The following EGFR variants were observed in gnomAD, a reference collection of about 807,000 sequenced individuals.
EGFR encodes the protein epidermal growth factor receptor.
A neutral mutation model predicts 143.0 loss-of-function variants in EGFR; 58 were observed. The ratio of observed to expected loss-of-function variants is 0.41; its 90% CI spans 0.33 to 0.50. The LOEUF (loss-of-function observed/expected upper bound fraction) is 0.50, where lower values mean the gene tolerates loss of function less well. EGFR is among the 20% of genes least tolerant of loss of function. The probability of loss-of-function intolerance (pLI) is 0.39; values close to 1 mark genes in which losing one functional copy is unlikely to be tolerated. For synonymous variants in EGFR, 613 were observed against 594.4 expected (o/e 1.03, Z -0.45); for missense variants, 1,307 against 1,579.0 (o/e 0.83, Z 2.92).
chr7:55,081,489 G>A (rs1181491369), intron 1 of EGFR, among the ~76,000 whole-genome samples: 1 of 152,152 alleles, frequency 6.6e-6, no homozygotes, highest in Non-Finnish European at 1.5e-5. Context: ...GTCTGTGAGC[G>A]AGAGCCTGAG....
intron 1 of EGFR, chr7:55,109,586 A>G (rs1792341018): frequency 3.4e-6 from 1 of 292,334 alleles, no homozygotes; most frequent in Non-Finnish European, 5.1e-6. Context: ...AGTAATTCAA[A>G]GCCTTCCTCG....
intron 1 of EGFR, among the ~76,000 whole-genome samples, chr7:55,066,023 C>T (rs1789477296): frequency 6.6e-6 from 1 of 152,104 alleles, no homozygotes; most frequent in Non-Finnish European, 1.5e-5. Flanking sequence ...GTTTCTAGCA[C>T]AGTTTTTCCT....
intron 17 of EGFR, among the ~76,000 whole-genome samples, chr7:55,173,494 C>T (rs1786453202): frequency 6.6e-6 from 1 of 152,212 alleles, no homozygotes; most frequent in South Asian, 2.1e-4. Flanking sequence ...GTGGCTTTGT[C>T]CATGATGGAC....
intron 19 of EGFR, chr7:55,180,849 G>A (rs1457472027): frequency 2.8e-5 from 7 of 248,028 alleles, no homozygotes. Flanking sequence ...CGTTCCTGAT[G>A]TGCAGGGTCA....
chr7:55,061,699 T>C (rs1408820260), intron 1 of EGFR, among the ~76,000 whole-genome samples: 2 of 151,104 alleles, frequency 1.3e-5, no homozygotes, highest in African/African-American at 4.9e-5. Context: ...TCTGTGAAAC[T>C]TCATTTTCCA....
At chr7:55,198,442 T>C (rs985891453) in intron 22 of EGFR, among the ~76,000 whole-genome samples, 9 of 152,228 alleles carry the variant, frequency 5.9e-5, no homozygotes, top group Admixed American at 4.6e-4. Flanking sequence ...TTACCACTTA[T>C]CAGTCACTTA....
chr7:55,211,412 T>C lies in EGFR; in HGVS notation c.*5795T>C, dbSNP rs1223777795. ...TTTAGAAACATTCAAGCAATAGCTT[T>C]ATAGCTTCAACATATGGTACGTTTT... On this transcript the variant is annotated 3_prime_UTR_variant, in exon 28 of 28. Coordinates refer to ENST00000275493, the MANE Select transcript of EGFR (RefSeq NM_005228.5). 6.6e-6 allele frequency: 1 copy of C among 152,230 alleles called. No homozygotes were observed. Among genetic ancestry groups the C allele is most frequent in the Non-Finnish European group, 1.5e-5 (1 of 68,036 alleles). The allele number at this position is 152,230 out of a possible 1,614,324, so 9.4% of individuals were successfully genotyped here.
At chr7:55,029,845 T>G (rs1163584607) in intron 1 of EGFR, among the ~76,000 whole-genome samples, 1 of 152,192 alleles carries the variant, frequency 6.6e-6, no homozygotes, top group African/African-American at 2.4e-5. Flanking sequence ...AAAACATCTG[T>G]AAAATTAAAA....
intron 1 of EGFR, among the ~76,000 whole-genome samples, chr7:55,022,256 A>G (rs184673557): frequency 1.8e-4 from 27 of 152,318 alleles, no homozygotes; most frequent in African/African-American, 6.3e-4. Flanking sequence ...ACTGGAAAGT[A>G]TTCCAAGGCG....
intron 1 of EGFR, among the ~76,000 whole-genome samples, chr7:55,097,566 A>G (rs902153486): frequency 2.0e-5 from 3 of 152,206 alleles, no homozygotes; most frequent in African/African-American, 7.2e-5. Context: ...TCTATAATTT[A>G]TATTATGAAA....
rs1794496937 is a variant in EGFR, at chr7:55,142,216, G to C, written c.89-70G>C. On this transcript the variant is annotated intron_variant, in intron 1 of 27. Coordinates refer to ENST00000275493, the MANE Select transcript of EGFR (RefSeq NM_005228.5). ...CTGCTACCCTTAATACCTGGACCTTGAGGGATTGTTTTATTTTAGTTTTTC... is the reference window on the plus strand; with the variant it reads ...CTGCTACCCTTAATACCTGGACCTTCAGGGATTGTTTTATTTTAGTTTTTC... 33 of 1,586,376 alleles carry C rather than the reference G, an allele frequency of 2.1e-5. 1 individual carries two copies. The South Asian group carries it at 3.4e-4, about 16-fold the overall frequency.
In EGFR at chr7:55,074,514, C is replaced by A. The variant is rs541608054; in HGVS notation, c.88+55149C>A. Among the ~76,000 whole-genome samples, 3 of 152,150 alleles carry A rather than the reference C, an allele frequency of 2.0e-5. No homozygotes were observed. The South Asian group carries it at 6.2e-4, about 32-fold the overall frequency. On this transcript the variant is annotated intron_variant, in intron 1 of 27. Coordinates refer to ENST00000275493, the MANE Select transcript of EGFR (RefSeq NM_005228.5). The stretch of plus-strand genomic sequence containing the variant: ...ATATTCTCTCATTCAATGTGAAAGG[C>A]CACCGAAGTCTTTCCAGAATTATTT...
At chr7:55,068,886 G>A (rs892894724) in intron 1 of EGFR, among the ~76,000 whole-genome samples, 3 of 152,210 alleles carry the variant, frequency 2.0e-5, no homozygotes, top group Non-Finnish European at 4.4e-5. Context: ...GTCAGGGACA[G>A]GGGTGAGTGG....
At chr7:55,203,576 ACGC>A (rs1368659736) in intron 27 of EGFR, among the ~76,000 whole-genome samples, 1 of 11,966 alleles carries the variant, frequency 8.4e-5, no homozygotes. Flanking sequence ...ACACACACAT[ACGC>A]CACACACACA....
rs1320747370 is a variant in EGFR at position 55,205,450 on chromosome 7, C to T, written c.3466C>T (p.His1156Tyr). ...CVNSTFDSPA[H>Y]WAQKGSHQIS... ...CAACAGCACATTCGACAGCCCTGCC[C>T]ACTGGGCCCAGAAAGGCAGCCACCA... The change falls in exon 28 of 28, where the codon CAC (histidine) becomes TAC (tyrosine). Residue 1156 changes from histidine to tyrosine, a missense_variant. Around this residue, in one of 7 missense-constraint regions of EGFR, gnomAD observed 313 missense variants for 312.3 expected, o/e 1.00. Transcript: ENST00000275493. 2 of 1,614,186 alleles carry T rather than the reference C, an allele frequency of 1.2e-6. No individual in the cohort carries two copies. Among genetic ancestry groups the T allele is most frequent in the South Asian group, 1.1e-5 (1 of 91,084 alleles).
At chr7:55,181,133 G>A (rs745403656) in intron 19 of EGFR, 160 bp from the exon 20 acceptor site, 40 of 891,094 alleles carry the variant, frequency 4.5e-5, no homozygotes, top group East Asian at 3.7e-4. Flanking sequence ...CTGCGTAAAC[G>A]TCCCTGTGCT....
intron 26 of EGFR, among the ~76,000 whole-genome samples, chr7:55,202,048 G>A (rs1410308701): frequency 6.6e-6 from 1 of 152,158 alleles, no homozygotes; most frequent in African/African-American, 2.4e-5. Flanking sequence ...TCTGGGGGTG[G>A]CACCCAGTAG....
intron 1 of EGFR, among the ~76,000 whole-genome samples, chr7:55,115,031 G>A (rs1420922447): frequency 3.3e-5 from 5 of 151,814 alleles, no homozygotes; most frequent in South Asian, 2.1e-4. Flanking sequence ...ACAGGTGCCC[G>A]CCACCGCGCC....
intron 23 of EGFR, 79 bp from the exon 24 acceptor site, chr7:55,200,237 A>G: frequency 7.4e-7 from 1 of 1,343,954 alleles, no homozygotes; most frequent in Non-Finnish European, 1.1e-6. Flanking sequence ...CGCATCACCA[A>G]TGCCTTCTTT....
Sources: gnomAD v4.1 joint callset for allele counts (sites outside exome capture counted in the v4.1 genomes callset) on GRCh38, gnomAD v4.1.1 for gene constraint, gnomAD v4.1.1 regional missense constraint, MANE v1.5 for transcripts, NCBI Gene and HGNC (gene_info 2026-07-23, HGNC 2026-07-21) for gene names.